The following LIMD1 variants were observed in gnomAD, a reference collection of about 807,000 sequenced individuals.
LIMD1 encodes LIM domain containing 1, also known as LIM domain-containing protein 1.
Under a neutral mutation model 58.4 loss-of-function variants are expected in LIMD1, and 23 were observed. The ratio of observed to expected loss-of-function variants is 0.39; its 90% CI spans 0.28 to 0.56. The LOEUF (loss-of-function observed/expected upper bound fraction) is 0.56. LIMD1 is among the 20% of genes least tolerant of loss of function. The pLI, the probability that LIMD1 is intolerant of heterozygous loss-of-function variation, is 0.57. For synonymous variants in LIMD1, 334 were observed against 345.5 expected, an observed-to-expected ratio of 0.97 and a Z score of 0.37; for missense variants, 838 against 855.5, an observed-to-expected ratio of 0.98 and a Z score of 0.25.
intron 1 of LIMD1, among the ~76,000 whole-genome samples, chr3:45,605,117 G>A (rs762288266): frequency 9.2e-5 from 14 of 152,260 alleles, no homozygotes; most frequent in Non-Finnish European, 1.5e-5. Flanking sequence ...TGTTGGGCAA[G>A]TCCCTCTAGC....
intron 4 of LIMD1, among the ~76,000 whole-genome samples, chr3:45,670,909 G>A (rs375535701): frequency 6.6e-6 from 1 of 152,264 alleles, no homozygotes; most frequent in East Asian, 1.9e-4. Context: ...TAATAGAGGG[G>A]TACATTCTGG....
intron 1 of LIMD1, among the ~76,000 whole-genome samples, chr3:45,625,436 C>G (rs1441455074): frequency 1.3e-5 from 2 of 152,090 alleles, no homozygotes; most frequent in East Asian, 3.9e-4. Flanking sequence ...CTTCATTTAC[C>G]TAGAACACCT....
At chr3:45,632,936 C>T (rs1398732088) in intron 1 of LIMD1, among the ~76,000 whole-genome samples, 1 of 152,208 alleles carries the variant, frequency 6.6e-6, no homozygotes. Context: ...TGCCTCAACC[C>T]TGTTGGGTTT....
At chr3:45,597,579 C>A (rs368880822) in intron 1 of LIMD1, among the ~76,000 whole-genome samples, 2 of 152,332 alleles carry the variant, frequency 1.3e-5, no homozygotes, top group African/African-American at 4.8e-5. Context: ...CATAAGAGAG[C>A]TAACTAGAAA....
At chr3:45,663,834 A>G (rs1447108768) in intron 2 of LIMD1, among the ~76,000 whole-genome samples, 1 of 143,590 alleles carries the variant, frequency 7.0e-6, no homozygotes, top group Non-Finnish European at 1.5e-5. Context: ...TCTGCCTCAG[A>G]CTCCCAAGTA....
chr3:45,615,446 A>G (rs2125652319), intron 1 of LIMD1, among the ~76,000 whole-genome samples: 1 of 152,294 alleles, frequency 6.6e-6, no homozygotes, highest in Non-Finnish European at 1.5e-5. Flanking sequence ...TAGTGTAACC[A>G]TCAACTGAAC....
chr3:45,640,936 G>A (rs954986836), intron 2 of LIMD1, among the ~76,000 whole-genome samples: 7 of 152,252 alleles, frequency 4.6e-5, no homozygotes, highest in Non-Finnish European at 8.8e-5. Flanking sequence ...AGAGCAGTTG[G>A]AATGTTGGAG....
intron 2 of LIMD1, among the ~76,000 whole-genome samples, chr3:45,650,079 A>G (rs983477428): frequency 2.0e-5 from 3 of 151,702 alleles, no homozygotes; most frequent in Non-Finnish European, 4.4e-5. Context: ...CATCAAATCT[A>G]TTTCTTCACA....
chr3:45,595,076 A>C lies in LIMD1; in HGVS notation c.197A>C (p.Gln66Pro). 6.2e-7 allele frequency: 1 copy of C among 1,613,574 alleles called. No individual in the cohort carries two copies. The highest frequency in any genetic ancestry group is 8.5e-7 in the Non-Finnish European group (1 of 1,179,960). The stretch of plus-strand genomic sequence containing the variant: ...CAGCAGCAGCAGCAGCAGCTCCTGC[A>C]GGAGGAGACTCTGCCCAGGGGGAGT... ...HLQQQQQQLL[Q>P]EETLPRGSRG... The change falls in exon 1 of 8, where the codon CAG becomes CCG. Residue 66 changes from glutamine to proline, a missense_variant. Physicochemically the swap from Gln to Pro is moderately conservative, Grantham distance 76. Transcript: ENST00000273317.
chr3:45,633,448 T>C (rs959523106), intron 1 of LIMD1, among the ~76,000 whole-genome samples: 4 of 152,204 alleles, frequency 2.6e-5, no homozygotes, highest in African/African-American at 9.7e-5. Flanking sequence ...TGAACTCTAG[T>C]TAATGATGGG....
intron 1 of LIMD1, among the ~76,000 whole-genome samples, chr3:45,607,131 A>G (rs1701475424): frequency 6.6e-6 from 1 of 152,226 alleles, no homozygotes; most frequent in African/African-American, 2.4e-5. Context: ...CTTAGAGTCC[A>G]TCCAGCAAAC....
chr3:45,594,799 A>ACACACACACACACACACACCC lies in LIMD1; in HGVS notation c.-62_-61insCCCACACACACACACACACAC, dbSNP rs1332017751. 1.4e-5 allele frequency: 2 copies of ACACACACACACACACACACCC among 143,848 alleles called. No homozygotes were observed. Among genetic ancestry groups the ACACACACACACACACACACCC allele is most frequent in the East Asian group, 4.5e-4 (1 of 2,238 alleles). The allele number at this position is 143,848 out of a possible 1,614,324, so 8.9% of individuals were successfully genotyped here. On this transcript the variant is annotated 5_prime_UTR_variant, in exon 1 of 8. Transcript: ENST00000273317. ...CCTCAACACACACACACACACACACACACACACACACACACACACACACAC... is the reference window on the plus strand; with the variant it reads ...CCTCAACACACACACACACACACACACACACACACACACACACACCCCACACACACACACACACACACACAC...
At chr3:45,659,593 CAT>C (rs996852020) in intron 2 of LIMD1, among the ~76,000 whole-genome samples, 2 of 139,786 alleles carry the variant, frequency 1.4e-5, no homozygotes, top group African/African-American at 2.8e-5. Flanking sequence ...AAACCCCAAA[CAT>C]ATATATATGC....
At chr3:45,623,197 C>T (rs145970557) in intron 1 of LIMD1, among the ~76,000 whole-genome samples, 2,475 of 152,226 alleles carry the variant, frequency 0.016, 36 homozygotes, top group Non-Finnish European at 0.024. Context: ...ATTCCTATTT[C>T]GTATTAGAGT....
intron 2 of LIMD1, among the ~76,000 whole-genome samples, chr3:45,661,151 A>G (rs1697432099): frequency 6.6e-6 from 1 of 152,150 alleles, no homozygotes; most frequent in Non-Finnish European, 1.5e-5. Flanking sequence ...ACCCCCACCC[A>G]CATTCCCCTA....
chr3:45,631,288 G>A (rs1392805699), intron 1 of LIMD1, among the ~76,000 whole-genome samples: 1 of 150,372 alleles, frequency 6.7e-6, no homozygotes, highest in Non-Finnish European at 1.5e-5. Flanking sequence ...TGGCGACAGA[G>A]TGAGACTCTC....
At chr3:45,618,029 T>C (rs899561510) in intron 1 of LIMD1, among the ~76,000 whole-genome samples, 8 of 152,216 alleles carry the variant, frequency 5.3e-5, no homozygotes, top group Non-Finnish European at 1.2e-4. Flanking sequence ...ATTTTCATTC[T>C]GGTTCCCTTC....
At chr3:45,654,504 T>C (rs935434112) in intron 2 of LIMD1, among the ~76,000 whole-genome samples, 1 of 152,140 alleles carries the variant, frequency 6.6e-6, no homozygotes, top group African/African-American at 2.4e-5. Context: ...TTTTTCTCTT[T>C]TAAACTGAGG....
chr3:45,631,657 G>A (rs1453021215), intron 1 of LIMD1, among the ~76,000 whole-genome samples: 1 of 152,166 alleles, frequency 6.6e-6, no homozygotes, highest in African/African-American at 2.4e-5. Flanking sequence ...GAGAGAGGAA[G>A]CCAGAAGAGA....
Sources: allele counts gnomAD v4.1 joint callset (sites outside exome capture counted in the v4.1 genomes callset), GRCh38; gene constraint gnomAD v4.1.1; transcripts MANE v1.5; gene names NCBI Gene and HGNC (gene_info 2026-07-23, HGNC 2026-07-21).